Variants in PDGFD observed in about 807,000 individuals in gnomAD.
PDGFD encodes the protein platelet derived growth factor D.
A neutral mutation model predicts 44.7 loss-of-function variants in PDGFD; 30 were observed. That is an observed-to-expected ratio of 0.67 (90% CI 0.50 to 0.91). The LOEUF (loss-of-function observed/expected upper bound fraction) is 0.91. Ranked by LOEUF, PDGFD falls within the 40% of genes least tolerant of loss-of-function variation. The pLI is 0.00. For synonymous variants in PDGFD, 173 were observed against 168.4 expected, an observed-to-expected ratio of 1.03 and a Z score of -0.21; for missense variants, 445 against 457.8, an observed-to-expected ratio of 0.97 and a Z score of 0.25.
At chr11:104,055,802 G>C (rs1860609561) in intron 1 of PDGFD, among the ~76,000 whole-genome samples, 2 of 152,136 alleles carry the variant, frequency 1.3e-5, no homozygotes, top group South Asian at 4.2e-4. Flanking sequence ...AAGCATAATG[G>C]AACCGTTGCC....
intron 1 of PDGFD, chr11:104,038,755 T>C (rs1286615043): frequency 6.0e-6 from 1 of 167,042 alleles, no homozygotes; most frequent in Non-Finnish European, 1.5e-5. Context: ...TTAGATTTTT[T>C]AAAAAAGAAA....
chr11:103,974,512 C>T (rs1170292333), intron 3 of PDGFD, among the ~76,000 whole-genome samples: 1 of 152,042 alleles, frequency 6.6e-6, no homozygotes, highest in African/African-American at 2.4e-5. Flanking sequence ...GCAGAATGTG[C>T]AGGTTTGTTT....
intron 1 of PDGFD, among the ~76,000 whole-genome samples, chr11:104,101,911 T>G (rs1178430850): frequency 6.6e-6 from 1 of 152,008 alleles, no homozygotes; most frequent in African/African-American, 2.4e-5. Context: ...CCTTACACCT[T>G]ATACAAAAAT....
intron 5 of PDGFD, among the ~76,000 whole-genome samples, chr11:103,942,804 C>T (rs1031972174): frequency 6.6e-6 from 1 of 152,106 alleles, no homozygotes; most frequent in Non-Finnish European, 1.5e-5. Context: ...TTCTTGTAGG[C>T]AAGAGACCAG....
intron 1 of PDGFD, among the ~76,000 whole-genome samples, chr11:104,076,805 TTC>T (rs1360251240): frequency 1.3e-5 from 2 of 152,218 alleles, no homozygotes; most frequent in Non-Finnish European, 2.9e-5. Context: ...CTTCTCTTTC[TTC>T]TCTCTCCTTC....
At chr11:104,035,564 T>A (rs1437333930) in intron 1 of PDGFD, among the ~76,000 whole-genome samples, 1 of 40,066 alleles carries the variant, frequency 2.5e-5, no homozygotes, top group African/African-American at 7.4e-5. Flanking sequence ...TCTTTTTCTT[T>A]TTTTTTTTTT....
At chr11:104,108,849 C>T (rs1019795513) in intron 1 of PDGFD, among the ~76,000 whole-genome samples, 1 of 152,136 alleles carries the variant, frequency 6.6e-6, no homozygotes, top group African/African-American at 2.4e-5. Flanking sequence ...GGCACATATA[C>T]ACCATGGAAT....
At position 103,919,658 on chromosome 11, in the gene PDGFD, G is replaced by T. The variant is rs987660853; in HGVS notation, c.987+7254C>A. Among the ~76,000 whole-genome samples, 48 of 151,862 alleles carry T rather than the reference G, an allele frequency of 3.2e-4. 1 individual carries two copies. The highest frequency in any genetic ancestry group is 1.1e-3 in the African/African-American group (45 of 41,346). On this transcript the variant is annotated intron_variant, in intron 6 of 6. Coordinates refer to ENST00000393158, the MANE Select transcript of PDGFD (RefSeq NM_025208.5). Reference sequence around the variant, plus strand: ...CAAGTAGCTGGGACTACAGGCACGTGCCACCACGCCTGGCTAATTTTTGTA... The same window carrying T: ...CAAGTAGCTGGGACTACAGGCACGTTCCACCACGCCTGGCTAATTTTTGTA...
intron 4 of PDGFD, among the ~76,000 whole-genome samples, chr11:103,944,318 A>G (rs1212192006): frequency 1.3e-5 from 2 of 152,106 alleles, no homozygotes; most frequent in African/African-American, 2.4e-5. Context: ...ACTTCTCAGG[A>G]AGACTCTTTA....
At chr11:103,932,807 G>T (rs190281975) in intron 5 of PDGFD, among the ~76,000 whole-genome samples, 1 of 152,154 alleles carries the variant, frequency 6.6e-6, no homozygotes. Context: ...TCACAAAGGT[G>T]AAACAATTCC....
intron 1 of PDGFD, among the ~76,000 whole-genome samples, chr11:104,016,405 T>C (rs1859858637): frequency 6.6e-6 from 1 of 152,242 alleles, no homozygotes; most frequent in African/African-American, 2.4e-5. Flanking sequence ...AAGCGGAGCC[T>C]TTCTCAAATC....
intron 1 of PDGFD, among the ~76,000 whole-genome samples, chr11:104,095,240 T>G (rs1251258735): frequency 6.6e-6 from 1 of 152,160 alleles, no homozygotes; most frequent in Non-Finnish European, 1.5e-5. Context: ...CACTCTTTAG[T>G]GTCACCCAAC....
intron 3 of PDGFD, among the ~76,000 whole-genome samples, chr11:103,969,484 T>TC (rs1273275676): frequency 2.0e-5 from 3 of 148,132 alleles, no homozygotes; most frequent in African/African-American, 7.4e-5. Flanking sequence ...GTTTTTTTTT[T>TC]TTTTTTTTTT....
rs529909289 is a variant in PDGFD, at chr11:104,000,079, A to G, written c.301T>C (p.Leu101=). The G allele has an allele frequency of 5.6e-6, 9 of 1,613,930 alleles. No homozygotes were observed. Among genetic ancestry groups the G allele is most frequent in the Non-Finnish European group, 7.6e-6 (9 of 1,179,994 alleles). ...IQLVFDNQFG[L]EEAENDICRY... The stretch of plus-strand genomic sequence containing the variant: ...CAGATATCATTTTCTGCTTCCTCTA[A>G]TCCAAACTGATTGTCAAACACTAGC... Residue 101 remains leucine (L), a synonymous_variant, in exon 2 of 7, where the codon TTA becomes CTA. Transcript: ENST00000393158.
chr11:104,125,467 T>G (rs555796500), intron 1 of PDGFD, among the ~76,000 whole-genome samples: 3 of 152,260 alleles, frequency 2.0e-5, no homozygotes, highest in South Asian at 2.1e-4. Context: ...CTGAGAGAAT[T>G]TCTACCTTAA....
intron 1 of PDGFD, among the ~76,000 whole-genome samples, chr11:104,079,365 G>A (rs1861011322): frequency 6.6e-6 from 1 of 151,686 alleles, no homozygotes; most frequent in South Asian, 2.1e-4. Context: ...CTAGACTAAG[G>A]GCCAATTTCT....
In PDGFD at chr11:104,038,041, G is replaced by T. The variant is rs549360543; in HGVS notation, c.125-37786C>A. 17 of 1,582,260 alleles carry T rather than the reference G, an allele frequency of 1.1e-5. 1 individual carries two copies. The African/African-American group carries it at 1.9e-4, about 18-fold the overall frequency. On this transcript the variant is annotated intron_variant, in intron 1 of 6. Coordinates refer to ENST00000393158, the MANE Select transcript of PDGFD (RefSeq NM_025208.5). The stretch of plus-strand genomic sequence containing the variant: ...CACGTTATAAATATGTTACCACCTT[G>T]AGGGAGCCTCAGGTCCCCGGCAATT...
At chr11:104,115,793 T>C (rs967546423) in intron 1 of PDGFD, among the ~76,000 whole-genome samples, 2 of 152,080 alleles carry the variant, frequency 1.3e-5, no homozygotes, top group African/African-American at 4.8e-5. Context: ...ATTAGTGATG[T>C]TGAGCATTTT....
At chr11:104,075,143 C>T (rs1860938257) in intron 1 of PDGFD, among the ~76,000 whole-genome samples, 1 of 152,066 alleles carries the variant, frequency 6.6e-6, no homozygotes, top group South Asian at 2.1e-4. Context: ...TGAAAATAGG[C>T]TAAGATACAA....
Sources: allele counts gnomAD v4.1 joint callset (sites outside exome capture counted in the v4.1 genomes callset), GRCh38; gene constraint gnomAD v4.1.1; transcripts MANE v1.5; gene names NCBI Gene and HGNC (gene_info 2026-07-23, HGNC 2026-07-21).